The following DPP10 variants were observed in gnomAD, a reference collection of about 807,000 sequenced individuals.
DPP10 encodes the protein dipeptidyl peptidase like 10.
DPP10 carries 33 observed loss-of-function variants against 120.9 expected under a neutral mutation model. The observed-to-expected ratio is 0.27, with a 90% CI of 0.21 to 0.37. The LOEUF is 0.37. Among genes scored for constraint, DPP10 ranks in the 10% least tolerant of loss-of-function variants. DPP10 has a pLI of 1.00. For synonymous variants in DPP10, 337 were observed against 326.1 expected, an observed-to-expected ratio of 1.03 and a Z score of -0.36; for missense variants, 816 against 942.8, an observed-to-expected ratio of 0.87 and a Z score of 1.76.
chr2:114,764,300 T>TA (rs949265463), intron 1 of DPP10, among the ~76,000 whole-genome samples: 9 of 148,428 alleles, frequency 6.1e-5, no homozygotes, highest in African/African-American at 1.3e-4. Flanking sequence ...TTTTTTTTTT[T>TA]ATCATGTTTC....
At chr2:115,053,297 C>CA (rs1427950870) in intron 1 of DPP10, among the ~76,000 whole-genome samples, 1 of 152,152 alleles carries the variant, frequency 6.6e-6, no homozygotes, top group Non-Finnish European at 1.5e-5. Flanking sequence ...AAAAGCAACA[C>CA]AGTACTAGCA....
intron 1 of DPP10, among the ~76,000 whole-genome samples, chr2:115,232,471 A>G (rs1309189587): frequency 3.9e-5 from 6 of 152,294 alleles, no homozygotes; most frequent in East Asian, 1.9e-4. Flanking sequence ...TTCACTGACC[A>G]TAGGTTTTGA....
chr2:114,731,698 C>T (rs941158114), intron 1 of DPP10, among the ~76,000 whole-genome samples: 14 of 152,068 alleles, frequency 9.2e-5, no homozygotes, highest in African/African-American at 3.4e-4. Flanking sequence ...GGAGGTGGCA[C>T]AACAAAACAC....
At chr2:114,962,793 G>C (rs1202738652) in intron 1 of DPP10, among the ~76,000 whole-genome samples, 1 of 152,108 alleles carries the variant, frequency 6.6e-6, no homozygotes, top group Non-Finnish European at 1.5e-5. Flanking sequence ...TACTATTGTT[G>C]AGCCCTAATT....
intron 1 of DPP10, among the ~76,000 whole-genome samples, chr2:115,300,134 G>A (rs954636179): frequency 2.0e-5 from 3 of 151,858 alleles, no homozygotes; most frequent in East Asian, 1.9e-4. Flanking sequence ...GTACATTTGC[G>A]TTGCTGTGCA....
chr2:114,775,957 T>C (rs6741593), intron 1 of DPP10, among the ~76,000 whole-genome samples: 1 of 152,104 alleles, frequency 6.6e-6, no homozygotes, highest in East Asian at 1.9e-4. Context: ...AATACATTCA[T>C]GGAGGCACAT....
chr2:115,070,565 T>G (rs1395430028), intron 1 of DPP10, among the ~76,000 whole-genome samples: 1 of 152,182 alleles, frequency 6.6e-6, no homozygotes, highest in Non-Finnish European at 1.5e-5. Flanking sequence ...CAGTGTTAAC[T>G]GTCATTGATC....
intron 1 of DPP10, among the ~76,000 whole-genome samples, chr2:114,764,282 G>GT (rs1184704564): frequency 9.1e-6 from 1 of 109,648 alleles, no homozygotes; most frequent in Non-Finnish European, 1.8e-5. Flanking sequence ...CTCTTAAATT[G>GT]CCTTTTTTTT....
At chr2:115,340,764 T>A (rs1459987506) in intron 2 of DPP10, among the ~76,000 whole-genome samples, 1 of 151,540 alleles carries the variant, frequency 6.6e-6, no homozygotes, top group Non-Finnish European at 1.5e-5. Flanking sequence ...TTTATATATA[T>A]AATACAGTTA....
chr2:114,589,997 A>C (rs1172363829), intron 1 of DPP10, among the ~76,000 whole-genome samples: 1 of 152,194 alleles, frequency 6.6e-6, no homozygotes, highest in African/African-American at 2.4e-5. Flanking sequence ...CTTTAAAAAA[A>C]ACTTTCACTA....
chr2:114,626,655 C>A (rs1408298769), intron 1 of DPP10, among the ~76,000 whole-genome samples: 1 of 152,032 alleles, frequency 6.6e-6, no homozygotes, highest in Non-Finnish European at 1.5e-5. Context: ...TGGCACCAAG[C>A]ACCAAGGGAC....
chr2:114,880,741 A>T (rs1404245025), intron 1 of DPP10, among the ~76,000 whole-genome samples: 1 of 152,208 alleles, frequency 6.6e-6, no homozygotes, highest in Non-Finnish European at 1.5e-5. Context: ...GGATTCAAAA[A>T]ATTATCAAGT....
intron 1 of DPP10, among the ~76,000 whole-genome samples, chr2:114,774,237 A>G (rs1342810609): frequency 6.6e-6 from 1 of 152,080 alleles, no homozygotes; most frequent in Non-Finnish European, 1.5e-5. Flanking sequence ...ATGTATGATG[A>G]AATTGACACT....
intron 3 of DPP10, among the ~76,000 whole-genome samples, chr2:115,480,706 T>C (rs931452506): frequency 2.6e-5 from 4 of 152,042 alleles, no homozygotes; most frequent in Non-Finnish European, 4.4e-5. Context: ...GTAAGTGTCA[T>C]ATTAGGAAGA....
At position 115,771,489 on chromosome 2, in the gene DPP10, C is replaced by T. The variant is rs984291104; in HGVS notation, c.1221+3085C>T. 7.2e-4 allele frequency among the ~76,000 whole-genome samples: 109 copies of T among 152,162 alleles called. 1 individual carries two copies. The highest frequency in any genetic ancestry group is 1.2e-3 in the East Asian group (6 of 5,174). On this transcript the variant is annotated intron_variant, in intron 13 of 25. Transcript: ENST00000410059. The stretch of plus-strand genomic sequence containing the variant: ...TAAACACTTTACTTATAATTCTTCC[C>T]GCAAAATTATATTTCTAGATGTTAA...
At chr2:115,528,183 A>G in intron 5 of DPP10, among the ~76,000 whole-genome samples, 1 of 151,804 alleles carries the variant, frequency 6.6e-6, no homozygotes, top group South Asian at 2.1e-4. Flanking sequence ...CAGTCCAACA[A>G]TGATAGACTG....
At chr2:115,724,798 G>C (rs1451759761) in intron 7 of DPP10, among the ~76,000 whole-genome samples, 1 of 152,154 alleles carries the variant, frequency 6.6e-6, no homozygotes, top group African/African-American at 2.4e-5. Context: ...ACATCTGCTC[G>C]GCTTCTGGGA....
chr2:114,834,430 A>AAGCCATATCTACACACCTATGTATATATC (rs1687454001), intron 1 of DPP10, among the ~76,000 whole-genome samples: 1 of 150,766 alleles, frequency 6.6e-6, no homozygotes, highest in Non-Finnish European at 1.5e-5. Context: ...ATGTATATAT[A>AAGCCATATCTACACACCTATGTATATATC]AGCCATATCT....
intron 1 of DPP10, among the ~76,000 whole-genome samples, chr2:114,561,949 A>C (rs1392265770): frequency 6.6e-6 from 1 of 152,232 alleles, no homozygotes; most frequent in Non-Finnish European, 1.5e-5. Context: ...TAATTAGGGC[A>C]CAGCAGTCAT....
Sources: gnomAD v4.1 joint callset for allele counts (sites outside exome capture counted in the v4.1 genomes callset) on GRCh38, gnomAD v4.1.1 for gene constraint, MANE v1.5 for transcripts, NCBI Gene and HGNC (gene_info 2026-07-23, HGNC 2026-07-21) for gene names.